The following TSHR variants were observed in gnomAD, a reference collection of about 807,000 sequenced individuals.
TSHR encodes thyroid stimulating hormone receptor, also known as thyrotropin receptor.
A neutral mutation model predicts 64.1 loss-of-function variants in TSHR; 51 were observed. That is an observed-to-expected ratio of 0.80 (90% CI 0.64 to 1.01). TSHR has a LOEUF of 1.01. TSHR is among the 50% of genes least tolerant of loss of function. The pLI is 0.00. For missense variants in TSHR, 877 were observed against 942.8 expected (o/e 0.93, Z 0.91); for synonymous variants, 361 against 361.9 (o/e 1.00, Z 0.03).
chr14:80,958,515 G>C (rs1886832815), intron 1 of TSHR, among the ~76,000 whole-genome samples: 2 of 151,972 alleles, frequency 1.3e-5, no homozygotes, highest in South Asian at 4.2e-4. Flanking sequence ...ATAACCTCGG[G>C]GGCTATTCAT....
chr14:81,102,635 T>G, intron 7 of TSHR: 1 of 264,842 alleles, frequency 3.8e-6, no homozygotes, highest in Non-Finnish European at 5.8e-6. Flanking sequence ...AAGTCTGCCT[T>G]TGTAGTGTGA....
intron 1 of TSHR, among the ~76,000 whole-genome samples, chr14:81,042,451 G>T (rs1450432013): frequency 1.3e-5 from 2 of 152,166 alleles, no homozygotes; most frequent in Admixed American, 6.6e-5. Flanking sequence ...ATTATATTTA[G>T]CCATAAAAAA....
At chr14:81,045,267 T>C (rs1446069154) in intron 1 of TSHR, among the ~76,000 whole-genome samples, 2 of 152,194 alleles carry the variant, frequency 1.3e-5, no homozygotes, top group Non-Finnish European at 2.9e-5. Flanking sequence ...GTACAATGCA[T>C]TAGGGAGAAT....
chr14:81,062,018 G>T, intron 1 of TSHR, 130 bp from the exon 2 acceptor site: 1 of 747,070 alleles, frequency 1.3e-6, no homozygotes, highest in Admixed American at 2.7e-5. Flanking sequence ...TATTATTTTT[G>T]TTGATTATGT....
intron 8 of TSHR, among the ~76,000 whole-genome samples, chr14:81,122,106 C>A (rs1401140210): frequency 9.0e-6 from 1 of 111,222 alleles, no homozygotes; most frequent in Admixed American, 1.3e-4. Flanking sequence ...TGCAATGGTG[C>A]GATCTCAGCT....
intron 8 of TSHR, among the ~76,000 whole-genome samples, chr14:81,125,645 A>G (rs935024341): frequency 6.6e-6 from 1 of 152,024 alleles, no homozygotes; most frequent in African/African-American, 2.4e-5. Context: ...GTGCTTACCA[A>G]GTGAAGCTCT....
chr14:80,970,429 A>G (rs778993575), intron 1 of TSHR, among the ~76,000 whole-genome samples: 1 of 152,228 alleles, frequency 6.6e-6, no homozygotes, highest in South Asian at 2.1e-4. Flanking sequence ...AGGGCAGAAT[A>G]GCATGTCAGG....
chr14:80,986,684 A>G (rs1309190347), intron 1 of TSHR, among the ~76,000 whole-genome samples: 1 of 152,150 alleles, frequency 6.6e-6, no homozygotes, highest in Admixed American at 6.5e-5. Context: ...ATGGGGTTTC[A>G]TCGTGTTGGC....
At position 81,144,765 on chromosome 14, in the gene TSHR, A is replaced by G. The variant is rs1891867760; in HGVS notation, c.*412A>G. ...GCTATTAATTTGGTTGGTGACCACA[A>G]GATAAAATCAGTCCCACGTTGGCTC... is the stretch of plus-strand genomic sequence containing the variant. On this transcript the variant is annotated 3_prime_UTR_variant, in exon 10 of 10. Coordinates refer to ENST00000298171, the MANE Select transcript of TSHR (RefSeq NM_000369.5). The G allele has an allele frequency of 7.6e-6, 2 of 264,116 alleles. No individual in the cohort carries two copies. Among genetic ancestry groups the G allele is most frequent in the Non-Finnish European group, 1.5e-5 (2 of 137,134 alleles). 16.4% of individuals were successfully genotyped at this position (264,116 alleles called of 1,614,324 possible).
chr14:81,090,148 G>T (rs527494718), intron 4 of TSHR, among the ~76,000 whole-genome samples: 21 of 152,296 alleles, frequency 1.4e-4, no homozygotes, highest in African/African-American at 5.1e-4. Context: ...TGTATTCATG[G>T]TGTTTTATGC....
chr14:81,019,544 C>A (rs1440185261), intron 1 of TSHR, among the ~76,000 whole-genome samples: 1 of 147,976 alleles, frequency 6.8e-6, no homozygotes, highest in Non-Finnish European at 1.5e-5. Flanking sequence ...TGTGCCATGG[C>A]TGTTTGCTGC....
At chr14:81,121,156 C>T (rs1890773770) in intron 8 of TSHR, among the ~76,000 whole-genome samples, 3 of 151,162 alleles carry the variant, frequency 2.0e-5, no homozygotes, top group Admixed American at 6.6e-5. Context: ...AATAAAAAGA[C>T]CCACGGAGAA....
chr14:81,140,752 T>C (rs573492951), intron 9 of TSHR, among the ~76,000 whole-genome samples: 1 of 152,224 alleles, frequency 6.6e-6, no homozygotes, highest in African/African-American at 2.4e-5. Context: ...ATTGACTTAC[T>C]ACACACATAA....
At chr14:81,101,496 A>T (rs1889579044) in intron 7 of TSHR, among the ~76,000 whole-genome samples, 2 of 152,218 alleles carry the variant, frequency 1.3e-5, no homozygotes, top group Admixed American at 1.3e-4. Flanking sequence ...CTTTTGCATA[A>T]GGACCAAAAT....
intron 1 of TSHR, among the ~76,000 whole-genome samples, chr14:81,027,796 G>C (rs1057241415): frequency 6.6e-6 from 1 of 152,118 alleles, no homozygotes; most frequent in Non-Finnish European, 1.5e-5. Flanking sequence ...CAGGAAATTA[G>C]GGTGTGCAGA....
chr14:81,090,160 T>C (rs1253623125), intron 4 of TSHR, among the ~76,000 whole-genome samples: 1 of 152,222 alleles, frequency 6.6e-6, no homozygotes, highest in Non-Finnish European at 1.5e-5. Context: ...GTTTTATGCA[T>C]GTCTTTTAAT....
At chr14:80,981,402 G>A (rs1030162001) in intron 1 of TSHR, among the ~76,000 whole-genome samples, 1 of 152,114 alleles carries the variant, frequency 6.6e-6, no homozygotes, top group African/African-American at 2.4e-5. Context: ...TTCAGATCAT[G>A]GGGAAAGCAG....
intron 1 of TSHR, among the ~76,000 whole-genome samples, chr14:81,031,738 C>A (rs1884359001): frequency 6.6e-6 from 1 of 152,184 alleles, no homozygotes; most frequent in Non-Finnish European, 1.5e-5. Flanking sequence ...AACCAGCAAA[C>A]TAGCCACACA....
chr14:81,114,574 A>C (rs1373246693), intron 8 of TSHR, among the ~76,000 whole-genome samples: 1 of 152,152 alleles, frequency 6.6e-6, no homozygotes, highest in Non-Finnish European at 1.5e-5. Context: ...GTCTGAGATC[A>C]AACTGCAAGG....
Sources: gnomAD v4.1 joint callset for allele counts (sites outside exome capture counted in the v4.1 genomes callset) on GRCh38, gnomAD v4.1.1 for gene constraint, MANE v1.5 for transcripts, NCBI Gene and HGNC (gene_info 2026-07-23, HGNC 2026-07-21) for gene names.